The following MTFMT variants were observed in gnomAD, a reference collection of about 807,000 sequenced individuals.
MTFMT encodes the protein mitochondrial methionyl-tRNA formyltransferase.
MTFMT carries 47 observed loss-of-function variants against 51.8 expected under a neutral mutation model. That is an observed-to-expected ratio of 0.91 (90% CI 0.72 to 1.16). MTFMT has a LOEUF of 1.16. Among genes scored for constraint, MTFMT ranks in the 50% most tolerant of loss-of-function variants. The pLI is 0.00. For missense variants in MTFMT, 512 were observed against 482.3 expected, an observed-to-expected ratio of 1.06 and a Z score of -0.58; for synonymous variants, 196 against 176.7, an observed-to-expected ratio of 1.11 and a Z score of -0.87.
chr15:65,026,639 C>A (rs1315765411), intron 2 of MTFMT, 192 bp downstream of exon 2: 1 of 583,726 alleles, frequency 1.7e-6, no homozygotes, highest in African/African-American at 1.9e-5. Context: ...CTTCTAAAGG[C>A]CCTTCAGTTA....
At chr15:65,027,345 G>T (rs1033877449) in intron 1 of MTFMT, among the ~76,000 whole-genome samples, 3 of 151,804 alleles carry the variant, frequency 2.0e-5, no homozygotes, top group Admixed American at 1.3e-4. Context: ...TTACAGGCAT[G>T]CACCACCACA....
In MTFMT at chr15:65,023,878, T is replaced by C. The variant is rs1331735522; in HGVS notation, c.420-84A>G. On this transcript the variant is annotated intron_variant, in intron 2 of 8. Coordinates refer to ENST00000220058, the MANE Select transcript of MTFMT (RefSeq NM_139242.4). The stretch of plus-strand genomic sequence containing the variant: ...ACCTAAGCTATTATGCTACTTTTCA[T>C]TAGGAAACTTTCCCAGAAATTTGGA... 2.4e-6 allele frequency: 3 copies of C among 1,240,842 alleles called. No individual in the cohort carries two copies. In the African/African-American group the frequency reaches 4.6e-5, roughly 19 times the overall value. 76.9% of individuals were successfully genotyped at this position (1,240,842 alleles called of 1,614,324 possible).
chr15:65,025,230 TAAAAAA>T (rs776662139), intron 2 of MTFMT, among the ~76,000 whole-genome samples: 31 of 92,502 alleles, frequency 3.4e-4, no homozygotes, highest in African/African-American at 1.3e-3. Flanking sequence ...TCCCTGTCTC[TAAAAAA>T]AAAAAAAAAA....
rs1484747717 is a variant in MTFMT, at chr15:65,029,631, G to A, written c.-18C>T. ...ACCCTCATCGCCTCGGCCGCCGGCGGCCGGCCCTGCGCAGGCGCATCGGGG... is the reference window on the plus strand; with the variant it reads ...ACCCTCATCGCCTCGGCCGCCGGCGACCGGCCCTGCGCAGGCGCATCGGGG... On this transcript the variant is annotated 5_prime_UTR_variant, in exon 1 of 9. Coordinates refer to ENST00000220058, the MANE Select transcript of MTFMT (RefSeq NM_139242.4). The A allele has an allele frequency of 1.6e-6, 2 of 1,278,260 alleles. No homozygotes were observed. The highest frequency in any genetic ancestry group is 2.9e-4 in the Middle Eastern group (1 of 3,464). The allele number at this position is 1,278,260 out of a possible 1,614,324, so 79.2% of individuals were successfully genotyped here.
intron 7 of MTFMT, among the ~76,000 whole-genome samples, chr15:65,005,483 T>C (rs1197589211): frequency 1.3e-5 from 2 of 152,168 alleles, no homozygotes; most frequent in African/African-American, 4.8e-5. Context: ...ATTTTCATTA[T>C]AATATTCACC....
intron 8 of MTFMT, 133 bp from the exon 9 acceptor site, chr15:65,003,389 C>T: frequency 1.5e-6 from 1 of 659,636 alleles, no homozygotes; most frequent in East Asian, 2.7e-5. Flanking sequence ...TAGCTGCAAA[C>T]AGCACTACAC....
rs536034761 is a variant in MTFMT, at chr15:65,013,950, A to T, written c.813+2486T>A. ...AGGGCGAGACACCATCTCAAAAAAA[A>T]AAAACAAAAAACAAAAAACAAAACC... On this transcript the variant is annotated intron_variant, in intron 6 of 8. Coordinates refer to ENST00000220058, the MANE Select transcript of MTFMT (RefSeq NM_139242.4). 1.2e-3 allele frequency among the ~76,000 whole-genome samples: 186 copies of T among 152,018 alleles called. 2 individuals are homozygous for T. Among genetic ancestry groups the T allele is most frequent in the Admixed American group, 9.4e-3 (143 of 15,284 alleles).
chr15:65,027,085 C>A, intron 1 of MTFMT, 45 bp from the exon 2 acceptor site: 1 of 1,453,690 alleles, frequency 6.9e-7, no homozygotes. Context: ...AAGGCAATGA[C>A]TCAAAGCTAA....
intron 8 of MTFMT, 97 bp from the exon 9 acceptor site, chr15:65,003,353 A>C (rs757202793): frequency 7.7e-6 from 7 of 911,402 alleles, no homozygotes; most frequent in South Asian, 1.6e-5. Flanking sequence ...GGAAACAAAC[A>C]AACCAACAAA....
intron 5 of MTFMT, among the ~76,000 whole-genome samples, chr15:65,019,605 C>T (rs1453220136): frequency 6.6e-6 from 1 of 152,080 alleles, no homozygotes; most frequent in East Asian, 1.9e-4. Flanking sequence ...CTGGCCTGGT[C>T]TCTTCAAAAA....
intron 6 of MTFMT, among the ~76,000 whole-genome samples, chr15:65,013,600 T>C (rs1222443347): frequency 6.6e-6 from 1 of 152,202 alleles, no homozygotes; most frequent in Non-Finnish European, 1.5e-5. Context: ...ATATGATATG[T>C]TACATTGACT....
chr15:65,009,415 TC>T (rs1429727490), intron 6 of MTFMT, among the ~76,000 whole-genome samples: 2 of 152,304 alleles, frequency 1.3e-5, no homozygotes, highest in African/African-American at 4.8e-5. Flanking sequence ...CAAATGTTCC[TC>T]CCCAGACATC....
intron 8 of MTFMT, among the ~76,000 whole-genome samples, chr15:65,004,312 C>T (rs975762900): frequency 7.9e-5 from 12 of 151,980 alleles, no homozygotes; most frequent in South Asian, 2.1e-4. Context: ...CCACCTTGCC[C>T]GGCTAAACAC....
At chr15:65,011,128 C>A (rs1471362131) in intron 6 of MTFMT, among the ~76,000 whole-genome samples, 2 of 151,968 alleles carry the variant, frequency 1.3e-5, no homozygotes, top group Non-Finnish European at 2.9e-5. Context: ...TCGAGACCAG[C>A]CAGGTCAACA....
At chr15:65,004,179 A>G (rs182252765) in intron 8 of MTFMT, among the ~76,000 whole-genome samples, 3 of 151,922 alleles carry the variant, frequency 2.0e-5, no homozygotes, top group Non-Finnish European at 4.4e-5. Flanking sequence ...ACCACGCTCG[A>G]CTAATTTTTG....
intron 3 of MTFMT, among the ~76,000 whole-genome samples, chr15:65,023,464 T>C (rs959398136): frequency 3.9e-5 from 6 of 152,116 alleles, no homozygotes; most frequent in East Asian, 1.9e-4. Context: ...AATTCACATA[T>C]GGACTTTAAA....
At position 65,004,819 on chromosome 15, in the gene MTFMT, C is replaced by A. The variant is rs1488221112; in HGVS notation, c.975+35G>T. On this transcript the variant is annotated intron_variant, in intron 8 of 8. Transcript: ENST00000220058. ...TGATACAGACTATAACATAGTAAAA[C>A]AACTATGATAACTTGAAACTAATGA... The A allele has an allele frequency of 5.0e-6, 7 of 1,402,302 alleles. No individual in the cohort carries two copies. The Admixed American group carries it at 1.1e-4, about 22-fold the overall frequency. 86.9% of individuals were successfully genotyped at this position (1,402,302 alleles called of 1,614,324 possible).
chr15:65,025,127 G>C (rs2086410265), intron 2 of MTFMT, among the ~76,000 whole-genome samples: 1 of 151,664 alleles, frequency 6.6e-6, no homozygotes, highest in Non-Finnish European at 1.5e-5. Flanking sequence ...GGGTACAGTG[G>C]CTCATGCCTG....
chr15:65,026,963 A>G lies in MTFMT; in HGVS notation c.287T>C (p.Val96Ala). 6.2e-7 allele frequency: 1 copy of G among 1,614,026 alleles called. No homozygotes were observed. The change falls in exon 2 of 9, where the codon GTG (valine) becomes GCG (alanine). Residue 96 changes from valine to alanine, a missense_variant. Transcript: ENST00000220058. ...MPSPSPKGLP[V>A]KQYAVQSQLP... ...CTGAGACTGCACAGCATATTGCTTCACTGGCAGTCCTTTTGGTGATGGGGA... is the reference window on the plus strand; with the variant it reads ...CTGAGACTGCACAGCATATTGCTTCGCTGGCAGTCCTTTTGGTGATGGGGA...
Sources: gnomAD v4.1 joint callset for allele counts (sites outside exome capture counted in the v4.1 genomes callset) on GRCh38, gnomAD v4.1.1 for gene constraint, MANE v1.5 for transcripts, NCBI Gene and HGNC (gene_info 2026-07-23, HGNC 2026-07-21) for gene names.